The following CLEC19A variants were observed in gnomAD, a reference collection of about 807,000 sequenced individuals.
The protein encoded by CLEC19A is C-type lectin domain containing 19A, also known as C-type lectin domain family 19 member A.
A neutral mutation model predicts 26.1 loss-of-function variants in CLEC19A; 21 were observed. That is an observed-to-expected ratio of 0.80 (90% confidence interval 0.57 to 1.16). The LOEUF (loss-of-function observed/expected upper bound fraction) is 1.16, where lower values mean the gene tolerates loss of function less well. CLEC19A is among the 50% of genes most tolerant of loss of function. The probability of loss-of-function intolerance (pLI) is 0.00; values close to 1 mark genes in which losing one functional copy is unlikely to be tolerated. For missense variants in CLEC19A, 224 were observed against 227.6 expected, an observed-to-expected ratio of 0.98 and a Z score of 0.10; for synonymous variants, 89 against 88.6, an observed-to-expected ratio of 1.00 and a Z score of -0.03.
chr16:19,291,368 G>A (rs987924321), intron 1 of CLEC19A, among the ~76,000 whole-genome samples: 1 of 152,210 alleles, frequency 6.6e-6, no homozygotes, highest in Non-Finnish European at 1.5e-5. Context: ...GACTCTCTAG[G>A]TTTGGAGCTA....
At chr16:19,307,017 A>T (rs1206289946) in intron 3 of CLEC19A, among the ~76,000 whole-genome samples, 1 of 152,224 alleles carries the variant, frequency 6.6e-6, no homozygotes, top group Non-Finnish European at 1.5e-5. Flanking sequence ...AACACCAATC[A>T]AATTCCCAAC....
chr16:19,294,436 C>T (rs539745433), intron 1 of CLEC19A, among the ~76,000 whole-genome samples: 2 of 152,186 alleles, frequency 1.3e-5, no homozygotes, highest in African/African-American at 2.4e-5. Context: ...TTAACACCCA[C>T]GTGGGGTAGG....
rs373217540 is a variant in CLEC19A, at chr16:19,310,553, C to T, written c.*1470C>T. On this transcript the variant is annotated 3_prime_UTR_variant, in exon 5 of 5. Coordinates refer to ENST00000636231, the MANE Select transcript of CLEC19A (RefSeq NM_001256720.2). ...AAAATGAAGACAACCCAAGTGCTCA[C>T]CAACAGATGAATGACTAAACAAATG... The T allele has an allele frequency of 1.3e-5, 2 of 152,242 alleles. 1 individual carries two copies. Among genetic ancestry groups the T allele is most frequent in the East Asian group, 3.9e-4 (2 of 5,184 alleles). 9.4% of individuals were successfully genotyped at this position (152,242 alleles called of 1,614,324 possible). A position where few individuals can be genotyped will look rare whatever the true frequency, so the allele number is the denominator to read the frequency against.
intron 1 of CLEC19A, among the ~76,000 whole-genome samples, chr16:19,297,727 G>A (rs1300896502): frequency 6.6e-6 from 1 of 152,028 alleles, no homozygotes; most frequent in African/African-American, 2.4e-5. Flanking sequence ...TCAGAATATC[G>A]ACTGGTATGT....
Position 19,285,823 on chromosome 16 carries a change from G to A in CLEC19A, c.-29G>A. 6.5e-7 allele frequency: 1 copy of A among 1,547,254 alleles called. No homozygotes were observed. Among genetic ancestry groups the A allele is most frequent in the Non-Finnish European group, 8.7e-7 (1 of 1,144,296 alleles). ...CAAAAAGCCTCTCTCCTCCACTCAGGCTGGGAGGTTGCTTTCTAGGAGCTC... is the reference window on the plus strand; with the variant it reads ...CAAAAAGCCTCTCTCCTCCACTCAGACTGGGAGGTTGCTTTCTAGGAGCTC... On this transcript the variant is annotated 5_prime_UTR_variant, in exon 1 of 5. Transcript: ENST00000636231.
chr16:19,308,945 G>A (rs1898010881), intron 4 of CLEC19A, 59 bp from the exon 5 acceptor site: 1 of 1,384,408 alleles, frequency 7.2e-7, no homozygotes. Context: ...GAGTGGTGGG[G>A]TTACTTTTAT....
chr16:19,304,274 A>G (rs1897902265), intron 3 of CLEC19A, 119 bp downstream of exon 3: 1 of 788,274 alleles, frequency 1.3e-6, no homozygotes, highest in East Asian at 2.7e-5. Context: ...ATAGAGAGAA[A>G]TCAGACACCA....
chr16:19,303,370 T>G (rs1239237560), intron 2 of CLEC19A, among the ~76,000 whole-genome samples: 9 of 152,216 alleles, frequency 5.9e-5, no homozygotes, highest in Non-Finnish European at 1.0e-4. Flanking sequence ...TTCATCAATC[T>G]ATCCATCCAT....
chr16:19,296,943 G>A (rs530596203), intron 1 of CLEC19A, among the ~76,000 whole-genome samples: 1 of 152,236 alleles, frequency 6.6e-6, no homozygotes, highest in East Asian at 1.9e-4. Flanking sequence ...ACAGAGCTGG[G>A]GGTAGGACCC....
chr16:19,301,886 C>T lies in CLEC19A; in HGVS notation c.255-2176C>T, dbSNP rs201423393. On this transcript the variant is annotated intron_variant, in intron 2 of 4. Coordinates refer to ENST00000636231, the MANE Select transcript of CLEC19A (RefSeq NM_001256720.2). ...GATTATAGGCATGAGCCACCGCGCC[C>T]GGCCTCACACTGATCTTTTAAACTT... 4.6e-5 allele frequency among the ~76,000 whole-genome samples: 7 copies of T among 151,678 alleles called. No homozygotes were observed. The East Asian group carries it at 7.7e-4, about 17-fold the overall frequency.
intron 3 of CLEC19A, chr16:19,304,373 A>C: frequency 7.2e-6 from 3 of 417,044 alleles, no homozygotes; most frequent in Non-Finnish European, 1.3e-5. Flanking sequence ...GGTCAGAGAA[A>C]ACCTGTTTGG....
chr16:19,304,398 A>T, intron 3 of CLEC19A: 2 of 181,038 alleles, frequency 1.1e-5, no homozygotes, highest in Non-Finnish European at 2.3e-5. Context: ...GGTTCTCTTA[A>T]AAAAAAAAAA....
At chr16:19,291,939 C>G (rs1270627223) in intron 1 of CLEC19A, among the ~76,000 whole-genome samples, 2 of 152,132 alleles carry the variant, frequency 1.3e-5, no homozygotes, top group Non-Finnish European at 2.9e-5. Context: ...TGGAGAAAAC[C>G]TAAAGGACCA....
At chr16:19,305,320 G>A (rs376748984) in intron 3 of CLEC19A, 1 of 152,372 alleles carries the variant, frequency 6.6e-6, no homozygotes, top group African/African-American at 2.4e-5. Flanking sequence ...TCCTAAGGAA[G>A]AGGAGGTCCT....
intron 1 of CLEC19A, among the ~76,000 whole-genome samples, chr16:19,298,248 A>AG (rs892946627): frequency 6.6e-6 from 1 of 150,896 alleles, no homozygotes; most frequent in African/African-American, 2.4e-5. Context: ...AATCTCAAAA[A>AG]AAAAAAAAAA....
chr16:19,287,463 G>A (rs1897497286), intron 1 of CLEC19A, among the ~76,000 whole-genome samples: 1 of 152,150 alleles, frequency 6.6e-6, no homozygotes, highest in African/African-American at 2.4e-5. Context: ...TGGGGGCAGG[G>A]AAGAGGAGAG....
intron 4 of CLEC19A, among the ~76,000 whole-genome samples, chr16:19,308,568 G>A (rs1018942188): frequency 7.9e-5 from 12 of 152,198 alleles, no homozygotes; most frequent in Non-Finnish European, 1.2e-4. Context: ...GGAAAACGAG[G>A]CTCAGAGAAG....
chr16:19,302,337 T>C (rs954732720), intron 2 of CLEC19A, among the ~76,000 whole-genome samples: 1 of 152,154 alleles, frequency 6.6e-6, no homozygotes, highest in African/African-American at 2.4e-5. Context: ...AATCTTCTAA[T>C]GGTGGGTATT....
chr16:19,293,408 C>T (rs551937056), intron 1 of CLEC19A, among the ~76,000 whole-genome samples: 3 of 152,004 alleles, frequency 2.0e-5, no homozygotes, highest in East Asian at 1.9e-4. Flanking sequence ...ACTGGGTGAA[C>T]GGTATACAGG....
Sources: allele counts gnomAD v4.1 joint callset (sites outside exome capture counted in the v4.1 genomes callset), GRCh38; gene constraint gnomAD v4.1.1; transcripts MANE v1.5; gene names NCBI Gene and HGNC (gene_info 2026-07-23, HGNC 2026-07-21).